Variants in RBFOX1 observed in about 807,000 individuals in gnomAD.
The protein encoded by RBFOX1 is RNA binding protein fox-1 homolog 1.
A neutral mutation model predicts 57.7 loss-of-function variants in RBFOX1; 8 were observed. The ratio of observed to expected loss-of-function variants is 0.14; its 90% CI spans 0.08 to 0.25. The LOEUF is 0.25. RBFOX1 is among the 10% of genes least tolerant of loss of function. RBFOX1 has a pLI of 1.00. For missense variants in RBFOX1, 611 were observed against 548.5 expected (o/e 1.11, Z -1.14); for synonymous variants, 326 against 222.4 (o/e 1.47, Z -4.15).
chr16:7,314,390 A>G (rs147998415), intron 4 of RBFOX1, among the ~76,000 whole-genome samples: 67 of 152,284 alleles, frequency 4.4e-4, no homozygotes, highest in Admixed American at 8.5e-4. Context: ...TGCAGTGAAG[A>G]CTGCTTCATA....
chr16:7,527,878 A>G (rs1281002630), intron 5 of RBFOX1, among the ~76,000 whole-genome samples: 1 of 152,232 alleles, frequency 6.6e-6, no homozygotes. Flanking sequence ...AGGAGAATAC[A>G]TTCATCATAA....
chr16:6,874,464 T>C (rs1481988130), intron 3 of RBFOX1, among the ~76,000 whole-genome samples: 8 of 126,222 alleles, frequency 6.3e-5, no homozygotes, highest in African/African-American at 2.5e-4. Flanking sequence ...TAGTGGAAGA[T>C]CATGCCACTG....
rs146597434 is a variant in RBFOX1, at chr16:7,245,441, T to C, written c.27+193343T>C. Among the ~76,000 whole-genome samples the C allele has an allele frequency of 5.3e-3, 652 of 123,560 alleles. 2 individuals are homozygous for C. Among genetic ancestry groups the C allele is most frequent in the African/African-American group, 0.024 (633 of 26,234 alleles). The allele number at this position is 123,560 out of a possible 152,430, so 81.1% of individuals were successfully genotyped here. On this transcript the variant is annotated intron_variant, in intron 4 of 15. Transcript: ENST00000550418. The stretch of plus-strand genomic sequence containing the variant: ...AACCCGTCACCTAGTATTAGTTGAA[T>C]GTTTGAAACTCAAGGTTAAACCATA...
At chr16:5,663,786 T>A (rs2049739725) in intron 3 of RBFOX1, among the ~76,000 whole-genome samples, 1 of 152,168 alleles carries the variant, frequency 6.6e-6, no homozygotes, top group Admixed American at 6.5e-5. Context: ...TTGTCTGTAT[T>A]TGTCCCAGCC....
chr16:5,700,793 C>A (rs563787061), intron 3 of RBFOX1, among the ~76,000 whole-genome samples: 1 of 152,262 alleles, frequency 6.6e-6, no homozygotes, highest in Admixed American at 6.5e-5. Context: ...TGGATGAATT[C>A]TTCAGTTATC....
chr16:5,500,820 T>C (rs569083484), intron 2 of RBFOX1, among the ~76,000 whole-genome samples: 6 of 152,342 alleles, frequency 3.9e-5, no homozygotes, highest in African/African-American at 1.4e-4. Flanking sequence ...CTCCCAGCTT[T>C]CATCCTATAC....
intron 5 of RBFOX1, among the ~76,000 whole-genome samples, chr16:7,534,156 G>T (rs371816278): frequency 7.6e-5 from 11 of 144,006 alleles, no homozygotes; most frequent in African/African-American, 2.5e-4. Context: ...GCTCGATCTC[G>T]GCTCACTGCA....
At chr16:5,942,142 G>A (rs1403713625) in intron 4 of RBFOX1, among the ~76,000 whole-genome samples, 1 of 152,076 alleles carries the variant, frequency 6.6e-6, no homozygotes, top group African/African-American at 2.4e-5. Flanking sequence ...TAGACAGGGG[G>A]AGTGCAATAG....
At chr16:5,834,558 A>G (rs2056387674) in intron 3 of RBFOX1, among the ~76,000 whole-genome samples, 1 of 151,682 alleles carries the variant, frequency 6.6e-6, no homozygotes, top group Non-Finnish European at 1.5e-5. Context: ...TGCCGTGATA[A>G]ATATAGAAGT....
In RBFOX1 at chr16:7,216,233, C is replaced by A. The variant is rs542967379; in HGVS notation, c.27+164135C>A. Among the ~76,000 whole-genome samples the A allele has an allele frequency of 9.2e-5, 14 of 152,298 alleles. 1 individual carries two copies. In the East Asian group the frequency reaches 2.7e-3, roughly 29 times the overall value. On this transcript the variant is annotated intron_variant, in intron 4 of 15. Transcript: ENST00000550418. Reference sequence around the variant, plus strand: ...TTATTGGCTATTGTGAATCATGCCACTATCTGCATATTAGTTAAGAACATC... The same window carrying A: ...TTATTGGCTATTGTGAATCATGCCAATATCTGCATATTAGTTAAGAACATC...
At chr16:7,389,061 A>G (rs1450161273) in intron 4 of RBFOX1, among the ~76,000 whole-genome samples, 1 of 152,128 alleles carries the variant, frequency 6.6e-6, no homozygotes, top group Non-Finnish European at 1.5e-5. Context: ...GCCATATGTA[A>G]TATGTTCAGT....
intron 3 of RBFOX1, among the ~76,000 whole-genome samples, chr16:5,808,764 G>C (rs532791873): frequency 1.3e-5 from 2 of 152,306 alleles, no homozygotes; most frequent in South Asian, 2.1e-4. Context: ...TTTGTGCATT[G>C]ATTTTGTATC....
intron 2 of RBFOX1, among the ~76,000 whole-genome samples, chr16:6,556,036 C>T (rs1053379847): frequency 6.6e-6 from 1 of 152,170 alleles, no homozygotes; most frequent in South Asian, 2.1e-4. Flanking sequence ...CTTTGAGGCA[C>T]TAGGGCATTT....
chr16:6,481,521 T>C (rs1339826723), intron 2 of RBFOX1, among the ~76,000 whole-genome samples: 1 of 152,220 alleles, frequency 6.6e-6, no homozygotes, highest in Non-Finnish European at 1.5e-5. Context: ...TGTGAACTGA[T>C]TTGTGAATCA....
intron 1 of RBFOX1, among the ~76,000 whole-genome samples, chr16:5,421,376 C>T (rs975740979): frequency 7.9e-5 from 12 of 152,198 alleles, no homozygotes; most frequent in Non-Finnish European, 2.9e-5. Flanking sequence ...TGGCTTCTTT[C>T]TCCTCTACTT....
At chr16:7,151,585 A>G (rs1222199633) in intron 4 of RBFOX1, among the ~76,000 whole-genome samples, 3 of 152,162 alleles carry the variant, frequency 2.0e-5, no homozygotes, top group Non-Finnish European at 4.4e-5. Flanking sequence ...AATTTTTTCC[A>G]GGGATGGGAA....
chr16:7,290,002 T>C (rs2095735099), intron 4 of RBFOX1, among the ~76,000 whole-genome samples: 1 of 152,222 alleles, frequency 6.6e-6, no homozygotes, highest in South Asian at 2.1e-4. Context: ...TTAATTCTTA[T>C]TATTTTTCTT....
At chr16:7,036,944 T>C (rs1200763925) in intron 3 of RBFOX1, among the ~76,000 whole-genome samples, 5 of 152,166 alleles carry the variant, frequency 3.3e-5, no homozygotes. Context: ...AAGGAGTAGA[T>C]TATTCATGCT....
intron 3 of RBFOX1, among the ~76,000 whole-genome samples, chr16:6,672,448 AGAAAG>A (rs1395379028): frequency 2.6e-5 from 4 of 151,720 alleles, no homozygotes; most frequent in East Asian, 1.9e-4. Context: ...GAAAGAGAAA[AGAAAG>A]GAAAGGAAGG....
Sources: gnomAD v4.1 joint callset for allele counts (sites outside exome capture counted in the v4.1 genomes callset) on GRCh38, gnomAD v4.1.1 for gene constraint, MANE v1.5 for transcripts, NCBI Gene and HGNC (gene_info 2026-07-23, HGNC 2026-07-21) for gene names.